The following SUCLG2 variants were observed in gnomAD, a reference collection of about 807,000 sequenced individuals.
SUCLG2 encodes succinate--CoA ligase [GDP-forming] subunit beta, mitochondrial.
In SUCLG2, 42 loss-of-function variants were observed where a neutral mutation model predicts 47.9. The observed-to-expected ratio is 0.88, with a 90% CI of 0.69 to 1.14. SUCLG2 has a LOEUF of 1.14. Among genes scored for constraint, SUCLG2 ranks in the 50% most tolerant of loss-of-function variants. The probability of loss-of-function intolerance (pLI) is 0.00; values close to 1 mark genes in which losing one functional copy is unlikely to be tolerated. For missense variants in SUCLG2, 571 were observed against 525.9 expected (o/e 1.09, Z -0.84); for synonymous variants, 195 against 197.3 (o/e 0.99, Z 0.10).
At chr3:67,532,903 T>C (rs1345768494) in intron 2 of SUCLG2, among the ~76,000 whole-genome samples, 1 of 152,216 alleles carries the variant, frequency 6.6e-6, no homozygotes, top group Non-Finnish European at 1.5e-5. Context: ...TGCAGTTTTA[T>C]AGCAATTTTT....
chr3:67,402,903 T>C (rs937868645), intron 9 of SUCLG2, among the ~76,000 whole-genome samples: 4 of 152,324 alleles, frequency 2.6e-5, no homozygotes, highest in African/African-American at 9.6e-5. Flanking sequence ...CATAATCTTA[T>C]GTGAATTCAC....
At chr3:67,502,270 A>G (rs1239611797) in intron 7 of SUCLG2, among the ~76,000 whole-genome samples, 3 of 152,250 alleles carry the variant, frequency 2.0e-5, no homozygotes, top group Non-Finnish European at 4.4e-5. Context: ...TGGTAGGAGA[A>G]AAATGTTTGT....
chr3:67,643,374 C>T (rs1003243389), intron 1 of SUCLG2, among the ~76,000 whole-genome samples: 5 of 152,090 alleles, frequency 3.3e-5, no homozygotes, highest in Admixed American at 1.3e-4. Context: ...TTAATATTAG[C>T]GGTGTTTTTG....
chr3:67,550,055 G>A (rs759588408), intron 2 of SUCLG2, among the ~76,000 whole-genome samples: 5 of 152,058 alleles, frequency 3.3e-5, no homozygotes, highest in Non-Finnish European at 5.9e-5. Flanking sequence ...ATAAAGTAAC[G>A]GGCAAAATTG....
intron 9 of SUCLG2, among the ~76,000 whole-genome samples, chr3:67,469,052 A>G (rs538952846): frequency 1.3e-5 from 2 of 152,324 alleles, no homozygotes; most frequent in East Asian, 3.9e-4. Context: ...TCTGGAGCAG[A>G]AAGAACAGCT....
chr3:67,406,870 T>C (rs890553732), intron 9 of SUCLG2, among the ~76,000 whole-genome samples: 1 of 152,216 alleles, frequency 6.6e-6, no homozygotes, highest in East Asian at 1.9e-4. Flanking sequence ...ACCTTCATTT[T>C]ATAGATAAAC....
intron 4 of SUCLG2, among the ~76,000 whole-genome samples, chr3:67,522,261 T>C (rs1706128459): frequency 1.3e-5 from 2 of 151,860 alleles, no homozygotes; most frequent in Non-Finnish European, 1.5e-5. Context: ...CCCAGGCTGA[T>C]CTCAAACTCC....
intron 2 of SUCLG2, among the ~76,000 whole-genome samples, chr3:67,570,111 C>G (rs1018568300): frequency 6.6e-6 from 1 of 151,970 alleles, no homozygotes; most frequent in Non-Finnish European, 1.5e-5. Flanking sequence ...GAAGAAAGGC[C>G]GTAAGAGGAC....
intron 9 of SUCLG2, among the ~76,000 whole-genome samples, chr3:67,470,709 C>T (rs1704583544): frequency 6.6e-6 from 1 of 152,222 alleles, no homozygotes; most frequent in Non-Finnish European, 1.5e-5. Context: ...CATCATGCTC[C>T]TGGACCTCCC....
At chr3:67,612,875 T>C (rs1160308329) in intron 1 of SUCLG2, among the ~76,000 whole-genome samples, 1 of 152,090 alleles carries the variant, frequency 6.6e-6, no homozygotes, top group Non-Finnish European at 1.5e-5. Context: ...CCTCCTCGGG[T>C]TTAACTAATT....
At chr3:67,538,010 C>G (rs1706593635) in intron 2 of SUCLG2, among the ~76,000 whole-genome samples, 2 of 152,140 alleles carry the variant, frequency 1.3e-5, no homozygotes, top group South Asian at 4.1e-4. Context: ...TGTTCTCCCA[C>G]TCTGTAGGCT....
intron 1 of SUCLG2, among the ~76,000 whole-genome samples, chr3:67,645,862 T>C (rs1701181345): frequency 1.3e-5 from 2 of 151,360 alleles, no homozygotes; most frequent in East Asian, 2.0e-4. Flanking sequence ...CCAGATGGTA[T>C]AGCATAGCAT....
chr3:67,472,148 C>A (rs1173559698), intron 9 of SUCLG2, among the ~76,000 whole-genome samples: 1 of 152,162 alleles, frequency 6.6e-6, no homozygotes, highest in Admixed American at 6.5e-5. Context: ...CCAATAGGAA[C>A]AAGCAAACAA....
intron 5 of SUCLG2, 73 bp from the exon 6 acceptor site, chr3:67,518,409 C>T (rs921516567): frequency 1.4e-6 from 2 of 1,411,576 alleles, no homozygotes; most frequent in African/African-American, 2.9e-5. Context: ...AAAGAAAATG[C>T]TTAGTATTTA....
chr3:67,478,447 T>A lies in SUCLG2; in HGVS notation c.1062+17351A>T, dbSNP rs142053070. Among the ~76,000 whole-genome samples, 88 of 152,324 alleles carry A rather than the reference T, an allele frequency of 5.8e-4. 2 individuals are homozygous for A. The highest frequency in any genetic ancestry group is 1.9e-3 in the African/African-American group (81 of 41,578). ...TTGAAGTGCAAGCTCTCAATCAACA[T>A]ATATAATGACCCTTTCGGTTGGATA... is the stretch of plus-strand genomic sequence containing the variant. On this transcript the variant is annotated intron_variant, in intron 9 of 10. Transcript: ENST00000307227.
intron 10 of SUCLG2, among the ~76,000 whole-genome samples, chr3:67,382,689 T>A (rs150820236): frequency 6.6e-6 from 1 of 152,204 alleles, no homozygotes; most frequent in Non-Finnish European, 1.5e-5. Context: ...TCGTGGAACA[T>A]AGCCAAACTG....
intron 9 of SUCLG2, among the ~76,000 whole-genome samples, chr3:67,412,521 G>A (rs6548532): frequency 0.077 from 11,681 of 152,116 alleles, 498 homozygotes; most frequent in African/African-American, 0.11. Context: ...TAGAGAGAAC[G>A]GATTAATGGG....
intron 9 of SUCLG2, among the ~76,000 whole-genome samples, chr3:67,458,803 G>A (rs561763449): frequency 1.3e-5 from 2 of 152,190 alleles, no homozygotes; most frequent in South Asian, 2.1e-4. Flanking sequence ...CTGGAATATC[G>A]TTAAACAACT....
intron 10 of SUCLG2, among the ~76,000 whole-genome samples, chr3:67,367,480 T>G (rs1463164444): frequency 6.6e-6 from 1 of 152,214 alleles, no homozygotes; most frequent in African/African-American, 2.4e-5. Flanking sequence ...GCTTTTTCTT[T>G]TGGTAATTTT....
Sources: gnomAD v4.1 joint callset for allele counts (sites outside exome capture counted in the v4.1 genomes callset) on GRCh38, gnomAD v4.1.1 for gene constraint, MANE v1.5 for transcripts, NCBI Gene and HGNC (gene_info 2026-07-23, HGNC 2026-07-21) for gene names.